The following OPRM1 variants were observed in gnomAD, a reference collection of about 807,000 sequenced individuals.
The protein encoded by OPRM1 is opioid receptor mu 1.
Under a neutral mutation model 31.8 loss-of-function variants are expected in OPRM1, and 27 were observed. That is an observed-to-expected ratio of 0.85 (90% CI 0.63 to 1.17). The LOEUF (loss-of-function observed/expected upper bound fraction) is 1.17, where lower values mean the gene tolerates loss of function less well. OPRM1 is among the 50% of genes most tolerant of loss of function. The probability of loss-of-function intolerance (pLI) is 0.00; values close to 1 mark genes in which losing one functional copy is unlikely to be tolerated. For synonymous variants in OPRM1, 196 were observed against 189.9 expected (o/e 1.03, Z -0.26); for missense variants, 536 against 511.1 (o/e 1.05, Z -0.47).
downstream of OPRM1, among the ~76,000 whole-genome samples, chr6:154,133,089 C>A (rs1797967172): frequency 6.7e-6 from 1 of 148,930 alleles, no homozygotes; most frequent in Non-Finnish European, 1.5e-5. Flanking sequence ...CCACTGCACT[C>A]CAGCCTGGGC....
At chr6:154,140,564 A>T (rs1208451966) in intron 3 of OPRM1, among the ~76,000 whole-genome samples, 2 of 152,046 alleles carry the variant, frequency 1.3e-5, no homozygotes, top group Non-Finnish European at 2.9e-5. Flanking sequence ...TCCTGACTTC[A>T]GGTGATCCGC....
chr6:154,169,439 C>T (rs1799697363), intron 3 of OPRM1, among the ~76,000 whole-genome samples: 1 of 152,178 alleles, frequency 6.6e-6, no homozygotes, highest in African/African-American at 2.4e-5. Context: ...AGACAAAATT[C>T]ATCTCCATCT....
intron 3 of OPRM1, among the ~76,000 whole-genome samples, chr6:154,243,737 T>C (rs1484633720): frequency 6.6e-6 from 1 of 152,176 alleles, no homozygotes; most frequent in Non-Finnish European, 1.5e-5. Context: ...ATGCTGTAAG[T>C]CATGGGTTTA....
chr6:154,062,335 G>A (rs1448868695), intron 1 of OPRM1, among the ~76,000 whole-genome samples: 1 of 152,032 alleles, frequency 6.6e-6, no homozygotes, highest in East Asian at 1.9e-4. Flanking sequence ...ATAATTTGTG[G>A]CTAAAAATGT....
At chr6:154,191,561 C>G (rs1413622804) in intron 3 of OPRM1, among the ~76,000 whole-genome samples, 1 of 151,942 alleles carries the variant, frequency 6.6e-6, no homozygotes, top group African/African-American at 2.4e-5. Context: ...ATAGTCCTAG[C>G]TACTTGGGAG....
At chr6:154,092,485 A>G (rs1792496609) in intron 3 of OPRM1, among the ~76,000 whole-genome samples, 1 of 152,220 alleles carries the variant, frequency 6.6e-6, no homozygotes, top group Admixed American at 6.5e-5. Context: ...TGGAGTCAGA[A>G]TCTTGGCTAA....
At chr6:154,136,842 G>A (rs574312039), downstream of OPRM1, among the ~76,000 whole-genome samples, 46 of 152,266 alleles carry the variant, frequency 3.0e-4, no homozygotes, top group South Asian at 7.7e-3. Flanking sequence ...CAAGCCGAGC[G>A]ATAGGTAGCT....
chr6:154,019,379 C>T (rs934661615), intron 1 of OPRM1, among the ~76,000 whole-genome samples: 24 of 151,860 alleles, frequency 1.6e-4, no homozygotes, highest in African/African-American at 5.8e-4. Flanking sequence ...ATCAACGAAC[C>T]GAACCTATAT....
intron 3 of OPRM1, among the ~76,000 whole-genome samples, chr6:154,106,130 T>G (rs1460284408): frequency 6.6e-6 from 1 of 152,254 alleles, no homozygotes; most frequent in Non-Finnish European, 1.5e-5. Context: ...TTTAGATTTT[T>G]TTCTTACTTA....
intron 1 of OPRM1, among the ~76,000 whole-genome samples, chr6:154,075,455 T>C (rs1787672921): frequency 9.5e-6 from 1 of 105,462 alleles, no homozygotes; most frequent in Admixed American, 1.0e-4. Flanking sequence ...ATAAGCACTT[T>C]TTTTTTTTTT....
chr6:154,114,629 T>C (rs1310473149), intron 3 of OPRM1, among the ~76,000 whole-genome samples: 1 of 152,134 alleles, frequency 6.6e-6, no homozygotes. Context: ...AAATCAAAAA[T>C]GGCACACCAG....
chr6:154,187,060 C>G (rs1046564520), intron 3 of OPRM1, among the ~76,000 whole-genome samples: 1 of 152,186 alleles, frequency 6.6e-6, no homozygotes, highest in African/African-American at 2.4e-5. Context: ...ACTCTGTCTT[C>G]CTGCCGCTAG....
intron 3 of OPRM1, among the ~76,000 whole-genome samples, chr6:154,216,505 A>G (rs1778405145): frequency 6.6e-6 from 1 of 152,204 alleles, no homozygotes; most frequent in African/African-American, 2.4e-5. Context: ...CTGTACTTCA[A>G]AAACGATATG....
intron 3 of OPRM1, among the ~76,000 whole-genome samples, chr6:154,179,873 G>C (rs551562808): frequency 6.6e-6 from 1 of 152,272 alleles, no homozygotes; most frequent in African/African-American, 2.4e-5. Context: ...TAGGAACCTT[G>C]TTAACATGTA....
intron 1 of OPRM1, among the ~76,000 whole-genome samples, chr6:154,041,952 T>C (rs1482015260): frequency 6.6e-6 from 1 of 152,196 alleles, no homozygotes; most frequent in Non-Finnish European, 1.5e-5. Context: ...TTGGTCTTAT[T>C]CCAGTGTAGA....
At chr6:154,142,723 C>T (rs1481246144) in intron 3 of OPRM1, among the ~76,000 whole-genome samples, 1 of 152,206 alleles carries the variant, frequency 6.6e-6, no homozygotes, top group Non-Finnish European at 1.5e-5. Flanking sequence ...AAACTTGCCT[C>T]AGTCTCTTTT....
chr6:154,242,075 T>G (rs1780643559), intron 3 of OPRM1, among the ~76,000 whole-genome samples: 1 of 152,234 alleles, frequency 6.6e-6, no homozygotes, highest in African/African-American at 2.4e-5. Context: ...AAAATCTATC[T>G]TGCTCGGCTA....
At chr6:154,084,992 T>C (rs916916712) in intron 1 of OPRM1, among the ~76,000 whole-genome samples, 1 of 152,026 alleles carries the variant, frequency 6.6e-6, no homozygotes, top group African/African-American at 2.4e-5. Context: ...TCTCACTCTC[T>C]TGATCAGTTT....
At chr6:154,065,229 A>C (rs12333298) in intron 1 of OPRM1, among the ~76,000 whole-genome samples, 20,548 of 150,232 alleles carry the variant, frequency 0.14, 1,502 homozygotes, top group Non-Finnish European at 0.17. Context: ...GGCTCACTGC[A>C]ACCTCCACCT....
Sources: gnomAD v4.1 joint callset for allele counts (sites outside exome capture counted in the v4.1 genomes callset) on GRCh38, gnomAD v4.1.1 for gene constraint, MANE v1.5 for transcripts, NCBI Gene and HGNC (gene_info 2026-07-23, HGNC 2026-07-21) for gene names.